The following KCNIP2 variants were observed in gnomAD, a reference collection of about 807,000 sequenced individuals.
The protein encoded by KCNIP2 is A-type potassium channel modulatory protein KCNIP2.
A neutral mutation model predicts 39.0 loss-of-function variants in KCNIP2; 19 were observed. That is an observed-to-expected ratio of 0.49 (90% confidence interval 0.34 to 0.71). KCNIP2 has a LOEUF of 0.71. KCNIP2 is among the 30% of genes least tolerant of loss of function. KCNIP2 has a pLI of 0.01. For missense variants in KCNIP2, 261 were observed against 346.0 expected (o/e 0.75, Z 1.95); for synonymous variants, 111 against 131.2 (o/e 0.85, Z 1.05).
intron 2 of KCNIP2, chr10:101,830,358 A>C: frequency 8.0e-7 from 1 of 1,248,726 alleles, no homozygotes; most frequent in Non-Finnish European, 1.0e-6. Flanking sequence ...GGGCATAGGC[A>C]ACACACATCA....
chr10:101,834,282 G>T, intron 1 of KCNIP2: 1 of 399,300 alleles, frequency 2.5e-6, no homozygotes, highest in Non-Finnish European at 4.4e-6. Flanking sequence ...AAGGAGACAG[G>T]CTCAAAGAGG....
At chr10:101,842,575 G>C (rs1218878319) in intron 1 of KCNIP2, among the ~76,000 whole-genome samples, 2 of 152,194 alleles carry the variant, frequency 1.3e-5, no homozygotes, top group African/African-American at 2.4e-5. Context: ...GGGGAGAGAG[G>C]GCTGACCCAG....
intron 1 of KCNIP2, chr10:101,839,968 C>A (rs995495020): frequency 5.0e-6 from 4 of 803,636 alleles, no homozygotes; most frequent in Non-Finnish European, 7.4e-6. Flanking sequence ...AGGATCGAAA[C>A]CCTGGAGCCT....
Position 101,829,208 on chromosome 10 carries a change from G to C in KCNIP2, c.224-9C>G. 1 of 1,610,258 alleles carries C rather than the reference G, an allele frequency of 6.2e-7. No homozygotes were observed. Among genetic ancestry groups the C allele is most frequent in the Non-Finnish European group, 8.5e-7 (1 of 1,178,040 alleles). On this transcript the variant is annotated splice_polypyrimidine_tract_variant and intron_variant, in intron 3 of 9. Transcript: ENST00000356640. ...TTCATCGTCCACGCTGTCTGCGGGA[G>C]CGGTGAGGACAGCCGCGCCTCAGGC... is the stretch of plus-strand genomic sequence containing the variant.
intron 8 of KCNIP2, 44 bp downstream of exon 8, chr10:101,827,845 T>G (rs373476932): frequency 5.8e-6 from 9 of 1,562,794 alleles, no homozygotes; most frequent in Non-Finnish European, 7.9e-6. Flanking sequence ...CTTGGCCTTC[T>G]TCCCTTCACT....
In KCNIP2 at chr10:101,828,521, G is replaced by A. The variant is rs2065829767; in HGVS notation, c.419-62C>T. ...GGAGAGGACTTCCTCCCTCTAAGGA[G>A]CTCCCCATACCCCCCATCACCTTGG... On this transcript the variant is annotated intron_variant, in intron 5 of 9. Coordinates refer to ENST00000356640, the MANE Select transcript of KCNIP2 (RefSeq NM_173191.3). The surrounding 1 kb of genome is among the most constrained non-coding windows in gnomAD (Gnocchi z 6.6). The A allele has an allele frequency of 3.1e-6, 5 of 1,599,802 alleles. No individual in the cohort carries two copies. The highest frequency in any genetic ancestry group is 4.3e-6 in the Non-Finnish European group (5 of 1,168,216).
At chr10:101,840,021 C>T (rs2066279402) in intron 1 of KCNIP2, 1 of 427,858 alleles carries the variant, frequency 2.3e-6, no homozygotes, top group Non-Finnish European at 4.0e-6. Flanking sequence ...CACCCTGGCC[C>T]CATCATGTGA....
intron 2 of KCNIP2, chr10:101,830,454 C>A (rs2065932187): frequency 7.8e-7 from 1 of 1,288,882 alleles, no homozygotes; most frequent in Non-Finnish European, 1.0e-6. Flanking sequence ...CCCTCACGGC[C>A]GCCTGGTCTA....
chr10:101,835,731 G>T (rs1240277190), intron 1 of KCNIP2, among the ~76,000 whole-genome samples: 1 of 151,982 alleles, frequency 6.6e-6, no homozygotes, highest in Admixed American at 6.6e-5. Context: ...AGGGCCTCTG[G>T]GTTAGTAACA....
chr10:101,832,424 C>A (rs776762593), intron 1 of KCNIP2, among the ~76,000 whole-genome samples: 11 of 151,898 alleles, frequency 7.2e-5, no homozygotes, highest in Non-Finnish European at 1.3e-4. Context: ...TGGCCTCAGT[C>A]CATTCCTGGA....
intron 3 of KCNIP2, 53 bp from the exon 4 acceptor site, chr10:101,829,252 C>T: frequency 1.3e-6 from 2 of 1,551,698 alleles, no homozygotes; most frequent in Non-Finnish European, 1.7e-6. Context: ...CGCGACCCCT[C>T]TTCAAATCAC....
chr10:101,827,843 T>G (rs1317592435), intron 8 of KCNIP2, 46 bp downstream of exon 8: 2 of 1,560,104 alleles, frequency 1.3e-6, no homozygotes, highest in Non-Finnish European at 1.8e-6. Flanking sequence ...TTCTTGGCCT[T>G]CTTCCCTTCA....
At chr10:101,842,436 G>C (rs2066361715) in intron 1 of KCNIP2, among the ~76,000 whole-genome samples, 1 of 152,240 alleles carries the variant, frequency 6.6e-6, no homozygotes, top group Admixed American at 6.5e-5. Context: ...CAGGCCTAGA[G>C]CTTCTAGCTC....
At chr10:101,830,549 G>A in intron 2 of KCNIP2, 1 of 1,015,046 alleles carries the variant, frequency 9.9e-7, no homozygotes. Context: ...CAGTTTTGCG[G>A]GAGCGGTGAC....
rs1271376821 is a variant in KCNIP2 at position 101,827,925 on chromosome 10, C to G, written c.666G>C (p.Glu222Asp). Residue 222 changes from glutamate (E) to aspartate (D), a missense_variant, in exon 8 of 10, where the codon GAG (glutamate) becomes GAC (aspartate). By Grantham distance (45) the Glu-to-Asp change is conservative. Coordinates refer to ENST00000356640, the MANE Select transcript of KCNIP2 (RefSeq NM_173191.3). ...TCTCCACGTGTTCCCTTGGGGCCTC[C>G]TCCCGGAGTGCAGGGTACGTGTACT... ...MGKYTYPALR[E>D]EAPREHVESF... 6.2e-7 allele frequency: 1 copy of G among 1,614,088 alleles called. No homozygotes were observed. Among genetic ancestry groups the G allele is most frequent in the South Asian group, 1.1e-5 (1 of 91,078 alleles).
rs1564659072 is a variant in KCNIP2, at chr10:101,827,305, G to A, written c.*48C>T. The A allele has an allele frequency of 1.9e-6, 3 of 1,564,524 alleles. No individual in the cohort carries two copies. The highest frequency in any genetic ancestry group is 2.6e-6 in the Non-Finnish European group (3 of 1,150,920). On this transcript the variant is annotated 3_prime_UTR_variant, in exon 10 of 10. Coordinates refer to ENST00000356640, the MANE Select transcript of KCNIP2 (RefSeq NM_173191.3). ...GAAGGGTGAGGTCCGCCTGGACTAG[G>A]GTTAGAGCATGGTCCCCCCAGGAAA...
At chr10:101,829,691 CG>C in intron 3 of KCNIP2, 152 bp downstream of exon 3, 1 of 471,208 alleles carries the variant, frequency 2.1e-6, no homozygotes, top group Non-Finnish European at 3.6e-6. Flanking sequence ...AGCCATGCCC[CG>C]CCCAGCTCAG....
Position 101,843,621 on chromosome 10 carries a change from C to T in KCNIP2, c.-53G>A. 2 of 1,110,538 alleles carry T rather than the reference C, an allele frequency of 1.8e-6. No individual in the cohort carries two copies. The highest frequency in any genetic ancestry group is 2.5e-6 in the Non-Finnish European group (2 of 809,902). 68.8% of individuals were successfully genotyped at this position (1,110,538 alleles called of 1,614,324 possible). A position where few individuals can be genotyped will look rare whatever the true frequency, so the allele number is the denominator to read the frequency against. On this transcript the variant is annotated 5_prime_UTR_variant, in exon 1 of 10. Coordinates refer to ENST00000356640, the MANE Select transcript of KCNIP2 (RefSeq NM_173191.3). This position sits in a 1 kb window ranked among gnomAD's most constrained non-coding sequence, Gnocchi z 6.7. ...GCCGTGGGAGGGGGCGCCGGGTGGC[C>T]GGGATAGGGCGCTCACACGGCGCCC...
intron 2 of KCNIP2, among the ~76,000 whole-genome samples, chr10:101,830,850 C>G (rs975755581): frequency 1.3e-5 from 2 of 151,368 alleles, no homozygotes; most frequent in East Asian, 3.9e-4. Flanking sequence ...CACACACACG[C>G]CGGCCTGGGG....
Sources: gnomAD v4.1 joint callset for allele counts (sites outside exome capture counted in the v4.1 genomes callset) on GRCh38, gnomAD v4.1.1 for gene constraint, Gnocchi (gnomAD v3.1) non-coding constraint, MANE v1.5 for transcripts, NCBI Gene and HGNC (gene_info 2026-07-23, HGNC 2026-07-21) for gene names.